The following SERINC5 variants were observed in gnomAD, a reference collection of about 807,000 sequenced individuals.
SERINC5 encodes the protein chromosome 5 open reading frame 12.
Under a neutral mutation model 63.1 loss-of-function variants are expected in SERINC5, and 41 were observed. The ratio of observed to expected loss-of-function variants is 0.65; its 90% CI spans 0.51 to 0.84. The LOEUF (loss-of-function observed/expected upper bound fraction) is 0.84, where lower values mean the gene tolerates loss of function less well. SERINC5 is among the 40% of genes least tolerant of loss of function. The probability of loss-of-function intolerance (pLI) is 0.00; values close to 1 mark genes in which losing one functional copy is unlikely to be tolerated. For synonymous variants in SERINC5, 222 were observed against 215.2 expected (o/e 1.03, Z -0.28); for missense variants, 523 against 573.0 (o/e 0.91, Z 0.89).
At chr5:80,148,894 C>T (rs1360539096) in intron 9 of SERINC5, among the ~76,000 whole-genome samples, 2 of 152,246 alleles carry the variant, frequency 1.3e-5, no homozygotes, top group Non-Finnish European at 1.5e-5. Context: ...AAACCTTTAA[C>T]GGAGGTATTA....
intron 2 of SERINC5, among the ~76,000 whole-genome samples, chr5:80,187,802 AG>A (rs1377183805): frequency 6.6e-6 from 1 of 152,168 alleles, no homozygotes; most frequent in Non-Finnish European, 1.5e-5. Context: ...ATATTTTGTC[AG>A]AATCAAACAG....
At chr5:80,118,975 C>T (rs562263863) in intron 11 of SERINC5, among the ~76,000 whole-genome samples, 95 of 152,210 alleles carry the variant, frequency 6.2e-4, no homozygotes, top group African/African-American at 2.2e-3. Context: ...CAGTCCATTA[C>T]ACCAACATTT....
intron 1 of SERINC5, chr5:80,203,343 A>T (rs1749976731): frequency 6.5e-6 from 1 of 153,592 alleles, no homozygotes; most frequent in Admixed American, 6.6e-5. Flanking sequence ...ATATACATAC[A>T]CACATGCACA....
intron 8 of SERINC5, among the ~76,000 whole-genome samples, chr5:80,154,601 C>G (rs147743488): frequency 6.6e-6 from 1 of 152,116 alleles, no homozygotes; most frequent in African/African-American, 2.4e-5. Flanking sequence ...TCCCCACCCC[C>G]CCATAAAGGC....
At chr5:80,254,423 C>A (rs960758228) in intron 1 of SERINC5, among the ~76,000 whole-genome samples, 3 of 152,106 alleles carry the variant, frequency 2.0e-5, no homozygotes, top group South Asian at 2.1e-4. Flanking sequence ...CAAAATAATT[C>A]TTTTACAAAA....
intron 1 of SERINC5, among the ~76,000 whole-genome samples, chr5:80,222,367 CTGT>C (rs1375497879): frequency 6.6e-6 from 1 of 152,144 alleles, no homozygotes; most frequent in African/African-American, 2.4e-5. Context: ...TCATTATCTC[CTGT>C]TATTACCTCA....
intron 5 of SERINC5, among the ~76,000 whole-genome samples, chr5:80,174,337 G>A (rs13165831): frequency 0.2 from 29,283 of 147,680 alleles, 3,556 homozygotes; most frequent in Non-Finnish European, 0.26. Flanking sequence ...ACTGCACTCC[G>A]GCCTGAATGA....
rs541719333 is a variant in SERINC5 at position 80,164,715 on chromosome 5, C to T, written c.859+1668G>A. On this transcript the variant is annotated intron_variant, in intron 7 of 11. Transcript: ENST00000507668. The stretch of plus-strand genomic sequence containing the variant: ...TTTGTTATTTCTTTTGTTCTGCTAA[C>T]TTTGGGTTTGATTTCTTCTTGATTT... Among the ~76,000 whole-genome samples the T allele has an allele frequency of 2.0e-4, 31 of 152,086 alleles. No individual in the cohort carries two copies. The South Asian group carries it at 5.2e-3, about 25-fold the overall frequency.
intron 1 of SERINC5, among the ~76,000 whole-genome samples, chr5:80,235,108 G>A (rs1356309311): frequency 6.6e-6 from 1 of 152,068 alleles, no homozygotes; most frequent in African/African-American, 2.4e-5. Context: ...CTGGGCCCTT[G>A]GGAACCACCT....
At chr5:80,115,986 TAGA>T (rs1255211811) in intron 11 of SERINC5, among the ~76,000 whole-genome samples, 4 of 152,066 alleles carry the variant, frequency 2.6e-5, no homozygotes, top group East Asian at 1.9e-4. Context: ...TTGAAAGGGA[TAGA>T]AGATGTTAAT....
intron 1 of SERINC5, among the ~76,000 whole-genome samples, chr5:80,206,241 G>C (rs995629758): frequency 6.6e-6 from 1 of 152,156 alleles, no homozygotes; most frequent in African/African-American, 2.4e-5. Context: ...TTGAGACTCT[G>C]CAAGGCTTCA....
intron 1 of SERINC5, among the ~76,000 whole-genome samples, chr5:80,249,751 A>G (rs1752320591): frequency 6.6e-6 from 1 of 151,988 alleles, no homozygotes; most frequent in Non-Finnish European, 1.5e-5. Flanking sequence ...GCAGTGAGCC[A>G]AGATCACGCC....
chr5:80,207,481 C>A (rs985150781), intron 1 of SERINC5, among the ~76,000 whole-genome samples: 4 of 152,168 alleles, frequency 2.6e-5, no homozygotes, highest in South Asian at 2.1e-4. Flanking sequence ...TCACTGTGAG[C>A]CTAATTGGAA....
intron 1 of SERINC5, among the ~76,000 whole-genome samples, chr5:80,214,238 G>A (rs1750562713): frequency 6.6e-6 from 1 of 152,120 alleles, no homozygotes; most frequent in South Asian, 2.1e-4. Context: ...ACAAGACATA[G>A]ATCAGCACTA....
chr5:80,216,790 C>G (rs191294128), intron 1 of SERINC5, among the ~76,000 whole-genome samples: 3 of 152,046 alleles, frequency 2.0e-5, no homozygotes, highest in Middle Eastern at 3.4e-3. Flanking sequence ...GTGGGTAGAT[C>G]GCTTGAGTCC....
Position 80,141,347 on chromosome 5 carries a change from G to A in SERINC5, c.*2316C>T, listed in dbSNP as rs193093057. ...AAGGAAGCGACGAGGGCCTTCTACC[G>A]GCCACACTCCCTTGCTTGGGCTTCC... is the stretch of plus-strand genomic sequence containing the variant. On this transcript the variant is annotated 3_prime_UTR_variant, in exon 12 of 12. Coordinates refer to ENST00000507668, the MANE Select transcript of SERINC5 (RefSeq NM_001174072.3). 108 of 985,378 alleles carry A rather than the reference G, an allele frequency of 1.1e-4. No individual in the cohort carries two copies. The African/African-American group carries it at 1.8e-3, about 16-fold the overall frequency. The allele number at this position is 985,378 out of a possible 1,614,324, so 61.0% of individuals were successfully genotyped here.
At chr5:80,209,174 G>A (rs1340832149) in intron 1 of SERINC5, among the ~76,000 whole-genome samples, 1 of 152,196 alleles carries the variant, frequency 6.6e-6, no homozygotes, top group Non-Finnish European at 1.5e-5. Flanking sequence ...AGGAGTCTGA[G>A]GCACGAGAAT....
intron 1 of SERINC5, among the ~76,000 whole-genome samples, chr5:80,244,488 T>C (rs906502080): frequency 1.3e-4 from 20 of 151,720 alleles, no homozygotes; most frequent in Non-Finnish European, 2.8e-4. Flanking sequence ...GTGCTGGGAT[T>C]ACAGACAGGA....
Position 80,141,831 on chromosome 5 carries a change from G to A in SERINC5, c.*1832C>T, listed in dbSNP as rs537535238. 1.0e-5 allele frequency: 10 copies of A among 985,322 alleles called. No homozygotes were observed. The South Asian group carries it at 4.7e-4, about 46-fold the overall frequency. The allele number at this position is 985,322 out of a possible 1,614,324, so 61.0% of individuals were successfully genotyped here. On this transcript the variant is annotated 3_prime_UTR_variant, in exon 12 of 12. Transcript: ENST00000507668. The stretch of plus-strand genomic sequence containing the variant: ...AATTTAATGGAATTTACAAAACAAG[G>A]CTCTCTAAACCACACACACAGATGG...
Sources: allele counts gnomAD v4.1 joint callset (sites outside exome capture counted in the v4.1 genomes callset), GRCh38; gene constraint gnomAD v4.1.1; transcripts MANE v1.5; gene names NCBI Gene and HGNC (gene_info 2026-07-23, HGNC 2026-07-21).